FADS2: variants seen among roughly 807,000 people sequenced by gnomAD.
The protein encoded by FADS2 is fatty acid desaturase 2, also known as acyl-CoA 6-desaturase.
A neutral mutation model predicts 61.2 loss-of-function variants in FADS2; 18 were observed. That is an observed-to-expected ratio of 0.29 (90% CI 0.20 to 0.44). The LOEUF (loss-of-function observed/expected upper bound fraction) is 0.44, where lower values mean the gene tolerates loss of function less well. Among genes scored for constraint, FADS2 ranks in the 20% least tolerant of loss-of-function variants. The probability of loss-of-function intolerance (pLI) is 1.00; values close to 1 mark genes in which losing one functional copy is unlikely to be tolerated. For missense variants in FADS2, 322 were observed against 572.7 expected (o/e 0.56, Z 4.47); for synonymous variants, 203 against 223.9 (o/e 0.91, Z 0.83).
intron 1 of FADS2, among the ~76,000 whole-genome samples, chr11:61,822,033 T>C (rs1336439383): frequency 6.6e-6 from 1 of 151,884 alleles, no homozygotes; most frequent in Non-Finnish European, 1.5e-5. Context: ...GCAGTGGTGC[T>C]GTCTTGGCTC....
intron 1 of FADS2, among the ~76,000 whole-genome samples, chr11:61,823,068 C>G (rs1040038690): frequency 2.0e-5 from 3 of 152,214 alleles, no homozygotes; most frequent in African/African-American, 7.2e-5. Context: ...CTTAGTTTTA[C>G]TGCACTTCTT....
chr11:61,859,307 T>G (rs2067392653), intron 7 of FADS2, among the ~76,000 whole-genome samples: 1 of 152,148 alleles, frequency 6.6e-6, no homozygotes, highest in African/African-American at 2.4e-5. Flanking sequence ...TCTGCCCACC[T>G]CAGCCTCCCA....
chr11:61,852,872 C>T (rs1036756088), intron 5 of FADS2, among the ~76,000 whole-genome samples: 2 of 152,024 alleles, frequency 1.3e-5, no homozygotes, highest in African/African-American at 2.4e-5. Context: ...CGTAGTCTCT[C>T]GGCCCAGCGT....
chr11:61,863,158 T>G, intron 8 of FADS2, 89 bp downstream of exon 8: 3 of 1,454,012 alleles, frequency 2.1e-6, no homozygotes, highest in Non-Finnish European at 2.9e-6. Flanking sequence ...GGCTCCACTT[T>G]GCCTGGGGAC....
At chr11:61,853,878 T>G (rs1462194951) in intron 5 of FADS2, among the ~76,000 whole-genome samples, 1 of 152,130 alleles carries the variant, frequency 6.6e-6, no homozygotes, top group African/African-American at 2.4e-5. Context: ...AGGGCCCTTG[T>G]CATTCCTCAG....
At chr11:61,863,872 G>T in intron 10 of FADS2, 86 bp downstream of exon 10, 1 of 1,071,816 alleles carries the variant, frequency 9.3e-7, no homozygotes, top group Non-Finnish European at 1.4e-6. Flanking sequence ...CAGAATGTGG[G>T]GGCCACCTCT....
chr11:61,835,322 C>T (rs1249662745), intron 1 of FADS2, among the ~76,000 whole-genome samples: 1 of 152,022 alleles, frequency 6.6e-6, no homozygotes, highest in East Asian at 1.9e-4. Context: ...TGGCAGTTAC[C>T]CTTGGGAGAT....
At chr11:61,857,579 A>G in intron 7 of FADS2, 49 bp downstream of exon 7, 2 of 1,540,384 alleles carry the variant, frequency 1.3e-6, no homozygotes, top group African/African-American at 1.4e-5. Context: ...GGTGACTGGG[A>G]CAGGGGGACC....
chr11:61,863,812 G>A lies in FADS2; in HGVS notation c.1157+26G>A, dbSNP rs778893818. 41 of 1,591,282 alleles carry A rather than the reference G, an allele frequency of 2.6e-5. No homozygotes were observed. Among genetic ancestry groups the A allele is most frequent in the Non-Finnish European group, 3.3e-5 (38 of 1,159,352 alleles). On this transcript the variant is annotated intron_variant, in intron 10 of 11. Transcript: ENST00000278840. ...GTGAGCGCGGGGCTGCGGGGAGGCG[G>A]GGAGACCCACAGCGGGAGGGAAGTG...
chr11:61,840,731 T>G lies in FADS2; in HGVS notation c.618+6T>G. ...TCGTCATTGGCCACTTAAAGGTAAG[T>G]GTCAGCAGCCCTGGGCATCTGTCCT... On this transcript the variant is annotated splice_donor_region_variant and intron_variant, in intron 4 of 11. Transcript: ENST00000278840. The G allele has an allele frequency of 6.2e-7, 1 of 1,606,738 alleles. No individual in the cohort carries two copies. The highest frequency in any genetic ancestry group is 8.5e-7 in the Non-Finnish European group (1 of 1,173,276).
chr11:61,856,908 C>A, intron 5 of FADS2, 103 bp from the exon 6 acceptor site: 2 of 944,272 alleles, frequency 2.1e-6, no homozygotes, highest in Admixed American at 1.7e-5. Context: ...CAGTGGTGTG[C>A]CCTGAGCAGA....
chr11:61,866,143 C>T lies in FADS2; in HGVS notation c.*454C>T, dbSNP rs2067467946. On this transcript the variant is annotated 3_prime_UTR_variant, in exon 12 of 12. Coordinates refer to ENST00000278840, the MANE Select transcript of FADS2 (RefSeq NM_004265.4). ...AGGGGCAGGTCCTAGTCGGGCAGGG[C>T]CCCTGACCCTCCCGGCCTGGCTTCA... is the stretch of plus-strand genomic sequence containing the variant. The T allele has an allele frequency of 2.5e-6, 1 of 399,062 alleles. No homozygotes were observed. The allele number at this position is 399,062 out of a possible 1,614,324, so 24.7% of individuals were successfully genotyped here. A position where few individuals can be genotyped will look rare whatever the true frequency, so the allele number is the denominator to read the frequency against.
chr11:61,859,655 C>T (rs1002778329), intron 7 of FADS2, among the ~76,000 whole-genome samples: 30 of 152,196 alleles, frequency 2.0e-4, no homozygotes, highest in African/African-American at 7.0e-4. Flanking sequence ...ATGTTACACC[C>T]TCTCCTTGCC....
chr11:61,819,955 G>T (rs1252956677), intron 1 of FADS2, among the ~76,000 whole-genome samples: 1 of 150,014 alleles, frequency 6.7e-6, no homozygotes, highest in Non-Finnish European at 1.5e-5. Context: ...GGGCGCGGTG[G>T]CTCACACCTG....
Position 61,846,422 on chromosome 11 carries a change from TTC to T in FADS2, c.619-1718_619-1717del, listed in dbSNP as rs982023766. 2.8e-3 allele frequency among the ~76,000 whole-genome samples: 399 copies of T among 142,488 alleles called. 3 individuals are homozygous for T. Among genetic ancestry groups the T allele is most frequent in the East Asian group, 5.9e-3 (30 of 5,052 alleles). The allele number at this position is 142,488 out of a possible 152,430, so 93.5% of individuals were successfully genotyped here. A position where few individuals can be genotyped will look rare whatever the true frequency, so the allele number is the denominator to read the frequency against. On this transcript the variant is annotated intron_variant, in intron 4 of 11. Transcript: ENST00000278840. ...TCACTCTCTGACTTTTTTTTTTTTT[TTC>T]TCTCTCTCTCTCTCTCTCATGGGTT...
rs2067105285 is a variant in FADS2, at chr11:61,828,978, GC to G, written c.207+385del. On this transcript the variant is annotated intron_variant, in intron 1 of 11. Coordinates refer to ENST00000278840, the MANE Select transcript of FADS2 (RefSeq NM_004265.4). This position sits in a 1 kb window ranked among gnomAD's most constrained non-coding sequence, Gnocchi z 6.4. The stretch of plus-strand genomic sequence containing the variant: ...GGCGCCCCCAGCGGGGAAGATGGCC[GC>G]CCCTGCGCGCCGCTGAAAGGAGCGG... Among the ~76,000 whole-genome samples the G allele has an allele frequency of 6.6e-6, 1 of 152,218 alleles. No individual in the cohort carries two copies. The highest frequency in any genetic ancestry group is 1.5e-5 in the Non-Finnish European group (1 of 68,030).
intron 1 of FADS2, among the ~76,000 whole-genome samples, chr11:61,818,593 A>G (rs1283238885): frequency 6.6e-6 from 1 of 152,208 alleles, no homozygotes; most frequent in Admixed American, 6.5e-5. Context: ...CTGTTAACAC[A>G]ATGAAGAATT....
At position 61,839,737 on chromosome 11, in the gene FADS2, C is replaced by T. The variant is rs1244747823; in HGVS notation, c.319-597C>T. 2.0e-5 allele frequency among the ~76,000 whole-genome samples: 3 copies of T among 152,284 alleles called. No homozygotes were observed. The East Asian group carries it at 5.8e-4, about 29-fold the overall frequency. On this transcript the variant is annotated intron_variant, in intron 2 of 11. Transcript: ENST00000278840. ...TCTCATCTTCCCCAAATTGAAATTC[C>T]ACATCCATTAAGCACTCACTCCTCA...
intron 10 of FADS2, chr11:61,864,170 T>C (rs112935740): frequency 0.015 from 2,982 of 196,526 alleles, 86 homozygotes; most frequent in African/African-American, 0.051. Context: ...TTGTCCTTGC[T>C]TCACCTCTTG....
Sources: gnomAD v4.1 joint callset for allele counts (sites outside exome capture counted in the v4.1 genomes callset) on GRCh38, gnomAD v4.1.1 for gene constraint, Gnocchi (gnomAD v3.1) non-coding constraint, MANE v1.5 for transcripts, NCBI Gene and HGNC (gene_info 2026-07-23, HGNC 2026-07-21) for gene names.